The following TRABD2B variants were observed in gnomAD, a reference collection of about 807,000 sequenced individuals.
TRABD2B encodes metalloprotease TIKI2.
In TRABD2B, 14 loss-of-function variants were observed where a neutral mutation model predicts 40.1. That is an observed-to-expected ratio of 0.35 (90% confidence interval 0.23 to 0.55). The LOEUF is 0.55. TRABD2B is among the 20% of genes least tolerant of loss of function. The pLI is 0.90. For missense variants in TRABD2B, 541 were observed against 648.6 expected, an observed-to-expected ratio of 0.83 and a Z score of 1.80; for synonymous variants, 263 against 277.0, an observed-to-expected ratio of 0.95 and a Z score of 0.50.
chr1:47,763,732 C>T lies in TRABD2B; in HGVS notation c.*2170G>A, dbSNP rs1412529222. 1 of 152,268 alleles carries T rather than the reference C, an allele frequency of 6.6e-6. No individual in the cohort carries two copies. Among genetic ancestry groups the T allele is most frequent in the Non-Finnish European group, 1.5e-5 (1 of 68,066 alleles). The allele number at this position is 152,268 out of a possible 1,614,324, so 9.4% of individuals were successfully genotyped here. A position where few individuals can be genotyped will look rare whatever the true frequency, so the allele number is the denominator to read the frequency against. On this transcript the variant is annotated 3_prime_UTR_variant, in exon 7 of 7. Transcript: ENST00000606738. ...ATCTCAATACGTCTCACGCCATACT[C>T]TGCCCCAAACAGAGAGGAATCTGGC...
intron 2 of TRABD2B, among the ~76,000 whole-genome samples, chr1:47,854,825 T>A (rs1192491252): frequency 1.3e-5 from 2 of 150,952 alleles, no homozygotes; most frequent in Non-Finnish European, 1.5e-5. Flanking sequence ...GTATTTTATT[T>A]AAAAAGGCAG....
intron 2 of TRABD2B, among the ~76,000 whole-genome samples, chr1:47,825,685 C>G (rs576971601): frequency 5.3e-4 from 80 of 152,324 alleles, no homozygotes; most frequent in Non-Finnish European, 9.0e-4. Context: ...TCTATACTCT[C>G]AGAAGGCACC....
At chr1:47,873,295 C>T (rs1644171585) in intron 2 of TRABD2B, among the ~76,000 whole-genome samples, 1 of 152,248 alleles carries the variant, frequency 6.6e-6, no homozygotes, top group South Asian at 2.1e-4. Context: ...GAGCCCAGAA[C>T]CTGAGTGAGG....
intron 2 of TRABD2B, among the ~76,000 whole-genome samples, chr1:47,911,765 A>C (rs1570271308): frequency 6.6e-6 from 1 of 152,346 alleles, no homozygotes; most frequent in African/African-American, 2.4e-5. Context: ...GGGCTACATA[A>C]TTTGCAAGGT....
intron 2 of TRABD2B, among the ~76,000 whole-genome samples, chr1:47,858,790 A>G (rs537910814): frequency 1.0e-3 from 154 of 152,308 alleles, no homozygotes; most frequent in Admixed American, 1.8e-3. Context: ...GCCAGACAAG[A>G]AGAGGCCTTT....
At chr1:47,806,983 T>A (rs958868129) in intron 2 of TRABD2B, among the ~76,000 whole-genome samples, 1 of 152,216 alleles carries the variant, frequency 6.6e-6, no homozygotes, top group East Asian at 1.9e-4. Flanking sequence ...CACTCAGCCA[T>A]TCTTCCTGAG....
rs1569861097 is a variant in TRABD2B, at chr1:47,765,827, G to C, written c.*75C>G. 1.4e-6 allele frequency: 1 copy of C among 702,664 alleles called. No individual in the cohort carries two copies. The highest frequency in any genetic ancestry group is 1.7e-5 in the African/African-American group (1 of 57,260). 43.5% of individuals were successfully genotyped at this position (702,664 alleles called of 1,614,324 possible). On this transcript the variant is annotated 3_prime_UTR_variant, in exon 7 of 7. Transcript: ENST00000606738. ...GACGTGTTGGGCACCCCCTGGAGGT[G>C]GTGGCAGGAGCAGTTGGGTGTGGCC...
chr1:47,817,642 T>G (rs1282619376), intron 2 of TRABD2B, among the ~76,000 whole-genome samples: 1 of 152,128 alleles, frequency 6.6e-6, no homozygotes, highest in African/African-American at 2.4e-5. Context: ...AGGCTTCATC[T>G]CTGCTGGGGG....
At chr1:47,978,609 G>A (rs951703669) in intron 2 of TRABD2B, among the ~76,000 whole-genome samples, 1 of 152,206 alleles carries the variant, frequency 6.6e-6, no homozygotes, top group Non-Finnish European at 1.5e-5. Flanking sequence ...TTGTTTACAT[G>A]AGACAGAGAG....
intron 2 of TRABD2B, among the ~76,000 whole-genome samples, chr1:47,812,665 G>A (rs1005357572): frequency 3.9e-5 from 6 of 152,214 alleles, no homozygotes; most frequent in Admixed American, 1.3e-4. Flanking sequence ...GCTGCAGTGA[G>A]CTATGATCTT....
At chr1:47,849,704 C>T (rs565478200) in intron 2 of TRABD2B, among the ~76,000 whole-genome samples, 2 of 152,256 alleles carry the variant, frequency 1.3e-5, no homozygotes, top group East Asian at 1.9e-4. Flanking sequence ...TGGTGTGAGC[C>T]GGTGGGATTG....
intron 2 of TRABD2B, among the ~76,000 whole-genome samples, chr1:47,929,719 C>A (rs993097651): frequency 6.6e-6 from 1 of 152,136 alleles, no homozygotes; most frequent in African/African-American, 2.4e-5. Flanking sequence ...GGTGCTCATG[C>A]GCATTTGCTG....
At chr1:47,882,037 T>G (rs1055291657) in intron 2 of TRABD2B, among the ~76,000 whole-genome samples, 1 of 152,214 alleles carries the variant, frequency 6.6e-6, no homozygotes, top group African/African-American at 2.4e-5. Flanking sequence ...CGTGTGTGCC[T>G]TCTGCCCTCA....
Position 47,888,636 on chromosome 1 carries a change from T to G in TRABD2B, c.667-87017A>C, listed in dbSNP as rs1481408877. Among the ~76,000 whole-genome samples the G allele has an allele frequency of 2.6e-5, 4 of 152,058 alleles. No individual in the cohort carries two copies. The East Asian group carries it at 7.7e-4, about 29-fold the overall frequency. ...CTGTCACCTGCTTACCACACCCATATCCTCTTCTTTCCAGGCACACAATTC... is the reference window on the plus strand; with the variant it reads ...CTGTCACCTGCTTACCACACCCATAGCCTCTTCTTTCCAGGCACACAATTC... On this transcript the variant is annotated intron_variant, in intron 2 of 6. Coordinates refer to ENST00000606738, the MANE Select transcript of TRABD2B (RefSeq NM_001194986.2).
At chr1:47,955,404 C>T (rs1401890445) in intron 2 of TRABD2B, among the ~76,000 whole-genome samples, 2 of 152,158 alleles carry the variant, frequency 1.3e-5, no homozygotes, top group Admixed American at 1.3e-4. Flanking sequence ...GATCCATTAT[C>T]CTAATACTCA....
chr1:47,774,159 G>A lies in TRABD2B; in HGVS notation c.1349+1011C>T, dbSNP rs562871616. On this transcript the variant is annotated intron_variant, in intron 6 of 6. Transcript: ENST00000606738. ...TTGTCCTACACATTCTGATACATGA[G>A]GTCTGCGGTGGGGCCTGAGAATCTG... 3.2e-4 allele frequency among the ~76,000 whole-genome samples: 48 copies of A among 152,256 alleles called. 1 individual carries two copies. In the South Asian group the frequency reaches 8.1e-3, roughly 26 times the overall value.
chr1:47,933,479 G>A, intron 2 of TRABD2B, among the ~76,000 whole-genome samples: 1 of 152,230 alleles, frequency 6.6e-6, no homozygotes, highest in Middle Eastern at 3.4e-3. Flanking sequence ...TCTCACATAT[G>A]AGACTATGAA....
chr1:47,931,298 A>G (rs1426283063), intron 2 of TRABD2B, among the ~76,000 whole-genome samples: 1 of 152,140 alleles, frequency 6.6e-6, no homozygotes, highest in Non-Finnish European at 1.5e-5. Context: ...AACTTTAGAG[A>G]GCCTCTAATG....
intron 2 of TRABD2B, among the ~76,000 whole-genome samples, chr1:47,918,117 A>C (rs1384985906): frequency 1.3e-5 from 2 of 152,032 alleles, no homozygotes; most frequent in Non-Finnish European, 2.9e-5. Context: ...CATCACCTTC[A>C]CTCTACAGCC....
Sources: allele counts gnomAD v4.1 joint callset (sites outside exome capture counted in the v4.1 genomes callset), GRCh38; gene constraint gnomAD v4.1.1; transcripts MANE v1.5; gene names NCBI Gene and HGNC (gene_info 2026-07-23, HGNC 2026-07-21).